The following ASIC2 variants were observed in gnomAD, a reference collection of about 807,000 sequenced individuals.
The protein encoded by ASIC2 is acid-sensing ion channel 2.
A neutral mutation model predicts 57.3 loss-of-function variants in ASIC2; 25 were observed. The observed-to-expected ratio is 0.44, with a 90% CI of 0.32 to 0.61. The LOEUF (loss-of-function observed/expected upper bound fraction) is 0.61, where lower values mean the gene tolerates loss of function less well. Ranked by LOEUF, ASIC2 falls within the 20% of genes least tolerant of loss-of-function variation. The pLI is 0.06. For missense variants in ASIC2, 641 were observed against 738.1 expected (o/e 0.87, Z 1.52); for synonymous variants, 319 against 307.5 (o/e 1.04, Z -0.39).
chr17:34,096,670 C>T (rs1051145403), intron 1 of ASIC2, among the ~76,000 whole-genome samples: 47 of 151,674 alleles, frequency 3.1e-4, no homozygotes, highest in African/African-American at 9.0e-4. Context: ...CTGGCTAACA[C>T]GGTGAAACCC....
intron 1 of ASIC2, among the ~76,000 whole-genome samples, chr17:34,060,172 C>A (rs1908920488): frequency 6.6e-6 from 1 of 152,232 alleles, no homozygotes; most frequent in African/African-American, 2.4e-5. Context: ...TCACAGGACC[C>A]TGTGCAGACA....
chr17:34,025,574 CTT>C (rs1300793185), intron 1 of ASIC2, among the ~76,000 whole-genome samples: 2 of 152,200 alleles, frequency 1.3e-5, no homozygotes, highest in Admixed American at 6.5e-5. Flanking sequence ...GTTATAATGA[CTT>C]ATATTTCAGA....
intron 1 of ASIC2, among the ~76,000 whole-genome samples, chr17:33,207,570 C>T (rs1597629969): frequency 6.6e-6 from 1 of 152,156 alleles, no homozygotes; most frequent in African/African-American, 2.4e-5. Flanking sequence ...TTCTTAGCAC[C>T]AAGAATGGCA....
intron 1 of ASIC2, among the ~76,000 whole-genome samples, chr17:33,138,543 T>C (rs1446727876): frequency 6.6e-6 from 1 of 152,200 alleles, no homozygotes; most frequent in Non-Finnish European, 1.5e-5. Context: ...GCCAAGAATT[T>C]GACCATTGCC....
At chr17:33,645,393 C>G (rs778859386) in intron 1 of ASIC2, among the ~76,000 whole-genome samples, 4 of 152,146 alleles carry the variant, frequency 2.6e-5, no homozygotes, top group Admixed American at 6.5e-5. Context: ...AAACTTGGCT[C>G]AAGACTTTTT....
intron 1 of ASIC2, among the ~76,000 whole-genome samples, chr17:33,998,514 C>CAA (rs1266164993): frequency 6.6e-6 from 1 of 152,030 alleles, no homozygotes; most frequent in African/African-American, 2.4e-5. Context: ...TTGCTATAAA[C>CAA]CTCCCTCTTA....
chr17:33,086,764 C>T (rs2092135322), intron 3 of ASIC2, among the ~76,000 whole-genome samples: 1 of 152,238 alleles, frequency 6.6e-6, no homozygotes, highest in South Asian at 2.1e-4. Flanking sequence ...CAGCCAACAC[C>T]TGAATATAGG....
intron 1 of ASIC2, among the ~76,000 whole-genome samples, chr17:34,058,590 C>CCTTGAAACCTCCTTCTCTT (rs1377892763): frequency 1.3e-5 from 2 of 152,188 alleles, no homozygotes; most frequent in Non-Finnish European, 2.9e-5. Context: ...GAAACGCTGT[C>CCTTGAAACCTCCTTCTCTT]CTTGAAACCT....
intron 1 of ASIC2, among the ~76,000 whole-genome samples, chr17:33,762,856 C>T (rs1910827030): frequency 6.6e-6 from 1 of 152,194 alleles, no homozygotes; most frequent in African/African-American, 2.4e-5. Flanking sequence ...AGGTGAGTGA[C>T]TCCTGGAGAG....
intron 1 of ASIC2, among the ~76,000 whole-genome samples, chr17:33,543,422 G>A (rs1482494676): frequency 6.6e-6 from 1 of 152,162 alleles, no homozygotes; most frequent in Admixed American, 6.5e-5. Context: ...CATGTGAGAG[G>A]TAGTGTCAGA....
intron 1 of ASIC2, among the ~76,000 whole-genome samples, chr17:33,752,256 T>A (rs2142105568): frequency 6.6e-6 from 1 of 152,308 alleles, no homozygotes; most frequent in South Asian, 2.1e-4. Flanking sequence ...GTTTCACTTT[T>A]TCCTCCATAC....
At chr17:33,045,999 C>T (rs1182998828) in intron 3 of ASIC2, among the ~76,000 whole-genome samples, 1 of 152,202 alleles carries the variant, frequency 6.6e-6, no homozygotes, top group Non-Finnish European at 1.5e-5. Flanking sequence ...CTCATATGGA[C>T]TAAGGTGTGA....
At chr17:33,923,797 G>A (rs1393459490) in intron 1 of ASIC2, among the ~76,000 whole-genome samples, 2 of 152,156 alleles carry the variant, frequency 1.3e-5, no homozygotes, top group Non-Finnish European at 2.9e-5. Flanking sequence ...AGATAGTAGA[G>A]TATGAGAGGG....
At chr17:33,193,398 C>A (rs1906502677) in intron 1 of ASIC2, among the ~76,000 whole-genome samples, 1 of 152,182 alleles carries the variant, frequency 6.6e-6, no homozygotes. Context: ...CCTGGGTGGT[C>A]AGAGTCTATA....
At chr17:34,132,427 C>A (rs1407395350) in intron 1 of ASIC2, among the ~76,000 whole-genome samples, 1 of 152,134 alleles carries the variant, frequency 6.6e-6, no homozygotes, top group Admixed American at 6.5e-5. Context: ...TGGAGGCCAG[C>A]TTTTATTCCC....
At chr17:33,065,108 T>C (rs982607952) in intron 3 of ASIC2, among the ~76,000 whole-genome samples, 1 of 152,170 alleles carries the variant, frequency 6.6e-6, no homozygotes, top group Non-Finnish European at 1.5e-5. Context: ...AGGTTTTTTT[T>C]TTGAGAGTGT....
At chr17:33,637,017 C>T (rs1453453053) in intron 1 of ASIC2, among the ~76,000 whole-genome samples, 1 of 152,092 alleles carries the variant, frequency 6.6e-6, no homozygotes, top group Admixed American at 6.6e-5. Flanking sequence ...TCCCCTTCCT[C>T]CTTCTTCTCC....
chr17:33,828,334 G>A (rs1280543301), intron 1 of ASIC2: 1 of 152,154 alleles, frequency 6.6e-6, no homozygotes, highest in Non-Finnish European at 1.5e-5. Context: ...TCCTCTAGGG[G>A]TTGGGATGAG....
At chr17:34,136,157 T>C (rs988324816) in intron 1 of ASIC2, among the ~76,000 whole-genome samples, 2 of 152,212 alleles carry the variant, frequency 1.3e-5, no homozygotes, top group Admixed American at 6.5e-5. Context: ...GCAGACTCTT[T>C]GTAGCAATAA....
Sources: allele counts gnomAD v4.1 joint callset (sites outside exome capture counted in the v4.1 genomes callset), GRCh38; gene constraint gnomAD v4.1.1; transcripts MANE v1.5; gene names NCBI Gene and HGNC (gene_info 2026-07-23, HGNC 2026-07-21).